The following SLC9B1 variants were observed in gnomAD, a reference collection of about 807,000 sequenced individuals.
SLC9B1 encodes solute carrier family 9 member B1, also known as sodium/hydrogen exchanger 9B1.
SLC9B1 carries 32 observed loss-of-function variants against 51.7 expected under a neutral mutation model. The observed-to-expected ratio is 0.62, with a 90% CI of 0.47 to 0.83. The LOEUF is 0.83. SLC9B1 is among the 40% of genes least tolerant of loss of function. The probability of loss-of-function intolerance (pLI) is 0.00; values close to 1 mark genes in which losing one functional copy is unlikely to be tolerated. For synonymous variants in SLC9B1, 145 were observed against 212.7 expected (o/e 0.68, Z 2.77); for missense variants, 406 against 613.2 (o/e 0.66, Z 3.57).
intron 6 of SLC9B1, among the ~76,000 whole-genome samples, chr4:102,944,979 T>C (rs1737196902): frequency 6.6e-6 from 1 of 152,182 alleles, no homozygotes; most frequent in African/African-American, 2.4e-5. Context: ...TGAATTTTCT[T>C]GATGATAAAC....
chr4:102,971,208 C>G (rs1417446879), intron 3 of SLC9B1, among the ~76,000 whole-genome samples: 1 of 152,204 alleles, frequency 6.6e-6, no homozygotes, highest in Non-Finnish European at 1.5e-5. Context: ...CCACATCTCA[C>G]TTATTCCAAA....
chr4:102,992,032 TTTGAG>T (rs758159549), intron 1 of SLC9B1, among the ~76,000 whole-genome samples: 1 of 152,286 alleles, frequency 6.6e-6, no homozygotes, highest in Non-Finnish European at 1.5e-5. Flanking sequence ...AACTGGTGTG[TTTGAG>T]TTAATATCCA....
intron 1 of SLC9B1, among the ~76,000 whole-genome samples, chr4:102,997,557 T>C (rs767943069): frequency 6.6e-6 from 1 of 152,206 alleles, no homozygotes; most frequent in Non-Finnish European, 1.5e-5. Flanking sequence ...TCTAATAGTC[T>C]GTAGATTTGT....
intron 1 of SLC9B1, among the ~76,000 whole-genome samples, chr4:103,005,583 G>T (rs1379434922): frequency 6.6e-6 from 1 of 152,090 alleles, no homozygotes; most frequent in Non-Finnish European, 1.5e-5. Context: ...TTTGGGACCT[G>T]CACTCAACAC....
In SLC9B1 at chr4:102,944,669, T is replaced by C. The variant is rs1456492091; in HGVS notation, c.653+524A>G. On this transcript the variant is annotated intron_variant, in intron 6 of 11. Coordinates refer to ENST00000296422, the MANE Select transcript of SLC9B1 (RefSeq NM_139173.4). ...AAAAGGAGTTAGGATCTAGAGACAG[T>C]AGTTACAGACTTATTTTGAGGAATT... 4.6e-5 allele frequency among the ~76,000 whole-genome samples: 7 copies of C among 152,242 alleles called. No individual in the cohort carries two copies. In the East Asian group the frequency reaches 1.3e-3, roughly 29 times the overall value.
intron 3 of SLC9B1, among the ~76,000 whole-genome samples, chr4:102,955,432 A>G (rs72937424): frequency 0.011 from 1,690 of 152,178 alleles, 22 homozygotes; most frequent in African/African-American, 0.037. Context: ...CTCTCTTCTC[A>G]TCCCCAAGCT....
chr4:102,964,954 CTT>C (rs1023408109), intron 3 of SLC9B1, among the ~76,000 whole-genome samples: 1 of 152,038 alleles, frequency 6.6e-6, no homozygotes, highest in Non-Finnish European at 1.5e-5. Context: ...AAAGACAACT[CTT>C]TTTATTGTTA....
chr4:102,959,315 T>A (rs1441354576), intron 3 of SLC9B1, among the ~76,000 whole-genome samples: 1 of 152,172 alleles, frequency 6.6e-6, no homozygotes, highest in African/African-American at 2.4e-5. Context: ...ACTATATATA[T>A]GTAATTTTTT....
At chr4:102,948,325 TACAC>T (rs375091561) in intron 4 of SLC9B1, among the ~76,000 whole-genome samples, 1,484 of 127,506 alleles carry the variant, frequency 0.012, 6 homozygotes, top group African/African-American at 0.018. Context: ...GGCAAAGCCA[TACAC>T]ACACACACAC....
intron 1 of SLC9B1, among the ~76,000 whole-genome samples, chr4:102,994,629 A>G (rs1740122885): frequency 6.6e-6 from 1 of 152,184 alleles, no homozygotes; most frequent in Non-Finnish European, 1.5e-5. Context: ...GCTACTACAA[A>G]GAAATACCCG....
At chr4:102,932,026 T>C (rs1345310469) in intron 7 of SLC9B1, 98 bp downstream of exon 7, 1 of 1,132,042 alleles carries the variant, frequency 8.8e-7, no homozygotes, top group Non-Finnish European at 1.3e-6. Context: ...TTGAACAGTC[T>C]TGGTTAATAA....
intron 1 of SLC9B1, among the ~76,000 whole-genome samples, chr4:103,004,915 T>A (rs918123158): frequency 1.3e-5 from 2 of 152,160 alleles, no homozygotes; most frequent in African/African-American, 2.4e-5. Context: ...AGATGTGCCT[T>A]ACAAGAGGTC....
intron 11 of SLC9B1, among the ~76,000 whole-genome samples, chr4:102,905,005 G>C (rs990290673): frequency 1.3e-5 from 2 of 149,780 alleles, no homozygotes; most frequent in African/African-American, 4.9e-5. Flanking sequence ...CAATAAAAAA[G>C]CAGTTGGGTG....
intron 11 of SLC9B1, among the ~76,000 whole-genome samples, chr4:102,886,191 A>G (rs1329631927): frequency 2.0e-5 from 3 of 152,190 alleles, no homozygotes; most frequent in Non-Finnish European, 4.4e-5. Flanking sequence ...TTTTGTTTAA[A>G]AAACGAATAC....
chr4:102,914,955 AG>A (rs1391954456), intron 7 of SLC9B1, among the ~76,000 whole-genome samples: 1 of 152,252 alleles, frequency 6.6e-6, no homozygotes, highest in African/African-American at 2.4e-5. Flanking sequence ...AACTGTCAAA[AG>A]TCAAAGACAA....
chr4:102,901,287 G>C lies in SLC9B1; in HGVS notation c.1378C>G (p.Pro460Ala), dbSNP rs1448352131. The change falls in exon 12 of 12, where the codon CCC becomes GCC. Residue 460 changes from proline to alanine, a missense_variant. By Grantham distance (27) the Pro-to-Ala change is conservative (BLOSUM62 -1). Coordinates refer to ENST00000296422, the MANE Select transcript of SLC9B1 (RefSeq NM_139173.4). Reference protein sequence around the residue: ...LALETARVSAPHLEPYAKDVM... With the variant: ...LALETARVSAAHLEPYAKDVM... ...TCCTTCGCATATGGTTCCAAGTGGG[G>C]TGCGGAGACTCTTGCTGTTTCTAGA... 1.9e-6 allele frequency: 3 copies of C among 1,612,044 alleles called. No homozygotes were observed. Among genetic ancestry groups the C allele is most frequent in the Admixed American group, 3.3e-5 (2 of 60,028 alleles).
At chr4:102,972,182 C>A (rs529901599) in intron 3 of SLC9B1, among the ~76,000 whole-genome samples, 2 of 152,096 alleles carry the variant, frequency 1.3e-5, no homozygotes, top group East Asian at 3.9e-4. Flanking sequence ...GGCAGAGACA[C>A]AACAAAAAAA....
At chr4:102,889,499 A>C (rs1254252383) in intron 11 of SLC9B1, 1 of 152,248 alleles carries the variant, frequency 6.6e-6, no homozygotes, top group Non-Finnish European at 1.5e-5. Context: ...CAGGAGGCAA[A>C]TTTACTAAAA....
intron 7 of SLC9B1, among the ~76,000 whole-genome samples, chr4:102,923,429 A>G (rs1735986371): frequency 6.6e-6 from 1 of 152,222 alleles, no homozygotes; most frequent in Non-Finnish European, 1.5e-5. Flanking sequence ...AATAAGAGCT[A>G]TTTATGACAA....
Sources: allele counts gnomAD v4.1 joint callset (sites outside exome capture counted in the v4.1 genomes callset), GRCh38; gene constraint gnomAD v4.1.1; transcripts MANE v1.5; gene names NCBI Gene and HGNC (gene_info 2026-07-23, HGNC 2026-07-21).